CPQ: variants seen among roughly 807,000 people sequenced by gnomAD.
CPQ encodes carboxypeptidase Q.
CPQ carries 37 observed loss-of-function variants against 45.7 expected under a neutral mutation model. The ratio of observed to expected loss-of-function variants is 0.81; its 90% CI spans 0.62 to 1.07. The LOEUF (loss-of-function observed/expected upper bound fraction) is 1.07, where lower values mean the gene tolerates loss of function less well. Among genes scored for constraint, CPQ ranks in the 50% least tolerant of loss-of-function variants. The probability of loss-of-function intolerance (pLI) is 0.00; values close to 1 mark genes in which losing one functional copy is unlikely to be tolerated. For missense variants in CPQ, 537 were observed against 572.9 expected (o/e 0.94, Z 0.64); for synonymous variants, 186 against 205.8 (o/e 0.90, Z 0.82).
chr8:96,970,820 C>T (rs562417224), intron 5 of CPQ, among the ~76,000 whole-genome samples: 1 of 152,282 alleles, frequency 6.6e-6, no homozygotes, highest in Admixed American at 6.5e-5. Flanking sequence ...GCCTCGGCCT[C>T]CCAAAGTGCT....
chr8:96,685,451 C>A (rs1357601538), intron 1 of CPQ, among the ~76,000 whole-genome samples: 1 of 151,812 alleles, frequency 6.6e-6, no homozygotes, highest in Non-Finnish European at 1.5e-5. Flanking sequence ...GATTAGTTAT[C>A]AAGGTTTTTT....
At chr8:96,710,431 T>G (rs927139632) in intron 1 of CPQ, among the ~76,000 whole-genome samples, 3 of 152,162 alleles carry the variant, frequency 2.0e-5, no homozygotes, top group African/African-American at 7.2e-5. Flanking sequence ...CCTTCAGATG[T>G]GACATTAGGT....
At chr8:96,718,948 C>T (rs1010937265) in intron 1 of CPQ, among the ~76,000 whole-genome samples, 8 of 152,208 alleles carry the variant, frequency 5.3e-5, no homozygotes, top group South Asian at 4.1e-4. Flanking sequence ...GTGCCGATTG[C>T]TGTATTTACA....
intron 3 of CPQ, among the ~76,000 whole-genome samples, chr8:96,856,489 A>G (rs1353489690): frequency 6.6e-6 from 1 of 152,208 alleles, no homozygotes; most frequent in Admixed American, 6.5e-5. Context: ...GTACTTCTTT[A>G]CTGTTGATCT....
At chr8:96,902,198 C>T (rs1046455272) in intron 4 of CPQ, among the ~76,000 whole-genome samples, 1 of 151,980 alleles carries the variant, frequency 6.6e-6, no homozygotes, top group African/African-American at 2.4e-5. Flanking sequence ...GTGAAGGGGC[C>T]CCAAGCCAGA....
intron 2 of CPQ, among the ~76,000 whole-genome samples, chr8:96,792,695 C>A (rs1474111915): frequency 6.6e-6 from 1 of 152,096 alleles, no homozygotes; most frequent in Admixed American, 6.6e-5. Flanking sequence ...TTAGTTTACT[C>A]ATTTATTTGA....
chr8:96,672,415 T>G (rs1270111189), intron 1 of CPQ, among the ~76,000 whole-genome samples: 2 of 152,132 alleles, frequency 1.3e-5, no homozygotes, highest in East Asian at 3.9e-4. Flanking sequence ...GACTGGAAAT[T>G]GAGACAATGA....
chr8:96,750,088 T>A (rs1364314016), intron 1 of CPQ, among the ~76,000 whole-genome samples: 1 of 151,822 alleles, frequency 6.6e-6, no homozygotes, highest in Non-Finnish European at 1.5e-5. Flanking sequence ...TATGAAATAA[T>A]AGGTAGATTA....
intron 1 of CPQ, among the ~76,000 whole-genome samples, chr8:96,705,571 A>T (rs1330576481): frequency 2.6e-5 from 4 of 152,036 alleles, no homozygotes; most frequent in Admixed American, 2.6e-4. Flanking sequence ...CTTTGCATGG[A>T]TTTGCTCCTA....
At chr8:96,691,307 G>A (rs898069826) in intron 1 of CPQ, among the ~76,000 whole-genome samples, 2 of 152,040 alleles carry the variant, frequency 1.3e-5, no homozygotes, top group Admixed American at 6.6e-5. Context: ...CTTCTCTTCT[G>A]TCTCTTATAA....
chr8:97,038,825 CAAAAAAAAA>C lies in CPQ; in HGVS notation c.1053+9347_1053+9355del, dbSNP rs35739621. ...CTGTATTCCAAAAAAACCGTATTTA[CAAAAAAAAA>C]AAAAAAAAAAAAAAAGAATAAAGGC... On this transcript the variant is annotated intron_variant, in intron 6 of 7. Transcript: ENST00000220763. 2.2e-3 allele frequency among the ~76,000 whole-genome samples: 204 copies of C among 91,874 alleles called. 2 individuals carry two copies. Among genetic ancestry groups the C allele is most frequent in the African/African-American group, 3.3e-3 (79 of 23,716 alleles). 60.3% of individuals were successfully genotyped at this position (91,874 alleles called of 152,430 possible). A position where few individuals can be genotyped will look rare whatever the true frequency, so the allele number is the denominator to read the frequency against.
At chr8:97,097,626 G>C (rs1464306956) in intron 7 of CPQ, among the ~76,000 whole-genome samples, 2 of 152,142 alleles carry the variant, frequency 1.3e-5, no homozygotes, top group African/African-American at 4.8e-5. Flanking sequence ...CAAACATTTA[G>C]TTCTTGCTCA....
chr8:96,965,601 C>T (rs1586470736), intron 4 of CPQ, among the ~76,000 whole-genome samples: 1 of 152,050 alleles, frequency 6.6e-6, no homozygotes, highest in African/African-American at 2.4e-5. Flanking sequence ...GATCTCCTGA[C>T]CTCGTGATCC....
chr8:96,848,128 C>A (rs1302103425), intron 3 of CPQ, among the ~76,000 whole-genome samples: 1 of 152,100 alleles, frequency 6.6e-6, no homozygotes, highest in Non-Finnish European at 1.5e-5. Context: ...TGTTGCCTCA[C>A]TGGTTACTGC....
At chr8:97,134,015 G>A (rs1812005090) in intron 7 of CPQ, among the ~76,000 whole-genome samples, 1 of 152,180 alleles carries the variant, frequency 6.6e-6, no homozygotes, top group Non-Finnish European at 1.5e-5. Context: ...CATGGTTTTG[G>A]TAAGGAGAAC....
At chr8:97,113,198 A>G (rs1176918291) in intron 7 of CPQ, among the ~76,000 whole-genome samples, 2 of 152,150 alleles carry the variant, frequency 1.3e-5, no homozygotes, top group Non-Finnish European at 2.9e-5. Context: ...GCAGATGATC[A>G]AGCAGGTCCA....
intron 1 of CPQ, among the ~76,000 whole-genome samples, chr8:96,771,929 C>A (rs1810548651): frequency 6.6e-6 from 1 of 151,618 alleles, no homozygotes; most frequent in South Asian, 2.1e-4. Flanking sequence ...GGGGTTCAAA[C>A]ATGGATTCTA....
rs1251689115 is a variant in CPQ, at chr8:96,671,713, G to T, written c.-35+26311G>T. On this transcript the variant is annotated intron_variant, in intron 1 of 7. Transcript: ENST00000220763. ...CTGCAACTCATTTCTAAAAGATTAG[G>T]AAAAAAGAGAAAAGAACATAGTTGC... 2.0e-5 allele frequency among the ~76,000 whole-genome samples: 3 copies of T among 151,990 alleles called. No homozygotes were observed. The South Asian group carries it at 6.2e-4, about 31-fold the overall frequency.
At chr8:97,100,580 C>T (rs926549733) in intron 7 of CPQ, among the ~76,000 whole-genome samples, 4 of 152,104 alleles carry the variant, frequency 2.6e-5, no homozygotes, top group African/African-American at 9.7e-5. Flanking sequence ...TATTCAATAG[C>T]TGAATAAATC....
Sources: gnomAD v4.1 joint callset for allele counts (sites outside exome capture counted in the v4.1 genomes callset) on GRCh38, gnomAD v4.1.1 for gene constraint, MANE v1.5 for transcripts, NCBI Gene and HGNC (gene_info 2026-07-23, HGNC 2026-07-21) for gene names.